AGBL4: variants seen among roughly 807,000 people sequenced by gnomAD.
AGBL4 encodes AGBL carboxypeptidase 4.
In AGBL4, 58 loss-of-function variants were observed where a neutral mutation model predicts 66.4. The ratio of observed to expected loss-of-function variants is 0.87; its 90% confidence interval spans 0.71 to 1.09. The LOEUF is 1.09. AGBL4 is among the 50% of genes least tolerant of loss of function. The pLI, the probability that AGBL4 is intolerant of heterozygous loss-of-function variation, is 0.00. For missense variants in AGBL4, 579 were observed against 631.0 expected (o/e 0.92, Z 0.88); for synonymous variants, 234 against 222.9 (o/e 1.05, Z -0.44).
In AGBL4 at chr1:49,030,351, C is replaced by T. The variant is rs531159942; in HGVS notation, c.594+15233G>A. ...GCCGACTGAAAACCAGGAAGTGGGC[C>T]CTCAACAGACACTGGATCTGCCAGC... On this transcript the variant is annotated intron_variant, in intron 5 of 13. Transcript: ENST00000371839. Among the ~76,000 whole-genome samples the T allele has an allele frequency of 4.6e-5, 7 of 152,184 alleles. No individual in the cohort carries two copies. In the East Asian group the frequency reaches 1.4e-3, roughly 29 times the overall value.
At chr1:49,914,248 G>A (rs1557573858) in intron 1 of AGBL4, among the ~76,000 whole-genome samples, 1 of 152,132 alleles carries the variant, frequency 6.6e-6, no homozygotes, top group Non-Finnish European at 1.5e-5. Flanking sequence ...GTTAAAAGCA[G>A]CCATTTTAAA....
intron 3 of AGBL4, among the ~76,000 whole-genome samples, chr1:49,450,576 C>G (rs999423174): frequency 5.3e-5 from 8 of 152,098 alleles, no homozygotes; most frequent in African/African-American, 1.7e-4. Context: ...TTTTGGGAAT[C>G]TGCAGAAAGA....
intron 2 of AGBL4, among the ~76,000 whole-genome samples, chr1:49,835,702 G>C (rs1274281665): frequency 1.3e-5 from 2 of 152,136 alleles, no homozygotes; most frequent in African/African-American, 4.8e-5. Context: ...TTTTGCAGTG[G>C]CTGGTACCAG....
At chr1:48,811,026 T>A (rs575423037) in intron 6 of AGBL4, among the ~76,000 whole-genome samples, 2 of 151,988 alleles carry the variant, frequency 1.3e-5, no homozygotes, top group East Asian at 3.9e-4. Flanking sequence ...CCTCCCTTTT[T>A]CCCCCATCCC....
At chr1:48,984,411 A>G (rs982240635) in intron 5 of AGBL4, among the ~76,000 whole-genome samples, 15 of 150,888 alleles carry the variant, frequency 9.9e-5, no homozygotes, top group Middle Eastern at 6.8e-3. Context: ...CTTTCTATCT[A>G]TCTACTGCAC....
intron 1 of AGBL4, among the ~76,000 whole-genome samples, chr1:49,980,697 C>CTTGGCTA (rs1185371503): frequency 1.3e-5 from 2 of 152,132 alleles, no homozygotes; most frequent in Admixed American, 1.3e-4. Flanking sequence ...GCTTCCACCT[C>CTTGGCTA]TTGGCTATTG....
At chr1:49,919,869 T>G (rs1250430035) in intron 1 of AGBL4, among the ~76,000 whole-genome samples, 2 of 152,208 alleles carry the variant, frequency 1.3e-5, no homozygotes, top group South Asian at 4.1e-4. Flanking sequence ...CAAAACAGCA[T>G]GGTAGTGGTA....
intron 6 of AGBL4, among the ~76,000 whole-genome samples, chr1:48,783,005 G>C (rs557404501): frequency 6.6e-6 from 1 of 152,298 alleles, no homozygotes; most frequent in African/African-American, 2.4e-5. Flanking sequence ...ATGTCATATA[G>C]TTGGAATCAT....
intron 3 of AGBL4, among the ~76,000 whole-genome samples, chr1:49,271,516 G>GCACACACACACACACA (rs57311875): frequency 1.3e-4 from 19 of 144,296 alleles, no homozygotes; most frequent in Admixed American, 9.8e-4. Context: ...TTAAAAGATA[G>GCACACACACACACACA]CACACACACA....
intron 2 of AGBL4, among the ~76,000 whole-genome samples, chr1:49,782,716 G>C (rs181448092): frequency 5.0e-4 from 76 of 152,298 alleles, no homozygotes; most frequent in African/African-American, 1.6e-3. Context: ...ATTATCATGG[G>C]TGTGGGTGCA....
At chr1:48,681,199 A>G (rs1447834759) in intron 6 of AGBL4, among the ~76,000 whole-genome samples, 2 of 152,130 alleles carry the variant, frequency 1.3e-5, no homozygotes, top group African/African-American at 4.8e-5. Flanking sequence ...TCATTTCTAT[A>G]TCTGTAAAAT....
chr1:49,109,810 T>G (rs1330210343), intron 4 of AGBL4, among the ~76,000 whole-genome samples: 1 of 152,174 alleles, frequency 6.6e-6, no homozygotes, highest in Non-Finnish European at 1.5e-5. Flanking sequence ...ACTTCTATAT[T>G]CATGCATCAT....
At chr1:49,737,033 T>G (rs1360114426) in intron 2 of AGBL4, among the ~76,000 whole-genome samples, 1 of 151,548 alleles carries the variant, frequency 6.6e-6, no homozygotes, top group African/African-American at 2.4e-5. Context: ...AAAAAAAACA[T>G]GATGGCAAAG....
chr1:48,829,349 G>T (rs1438535426), intron 6 of AGBL4, among the ~76,000 whole-genome samples: 1 of 152,224 alleles, frequency 6.6e-6, no homozygotes, highest in Admixed American at 6.5e-5. Flanking sequence ...TGGCCACAAT[G>T]CTTTAATGCC....
At chr1:49,713,249 T>C (rs576142223) in intron 2 of AGBL4, among the ~76,000 whole-genome samples, 4 of 152,088 alleles carry the variant, frequency 2.6e-5, no homozygotes, top group Non-Finnish European at 5.9e-5. Flanking sequence ...GAATATCCTA[T>C]GGATTTCATT....
intron 3 of AGBL4, among the ~76,000 whole-genome samples, chr1:49,403,404 T>A (rs1645129220): frequency 6.6e-6 from 1 of 152,208 alleles, no homozygotes; most frequent in Non-Finnish European, 1.5e-5. Context: ...GATCATTGGG[T>A]CTTTTTTCAA....
intron 11 of AGBL4, among the ~76,000 whole-genome samples, chr1:48,541,973 T>C (rs932401924): frequency 1.4e-4 from 22 of 152,120 alleles, no homozygotes; most frequent in Admixed American, 1.4e-3. Context: ...GTATTTCTCC[T>C]AATGCTATCC....
intron 3 of AGBL4, among the ~76,000 whole-genome samples, chr1:49,510,295 C>T (rs911805366): frequency 4.6e-5 from 7 of 151,800 alleles, no homozygotes; most frequent in South Asian, 4.2e-4. Flanking sequence ...TGAGATGGTA[C>T]CTCATTGTGG....
intron 4 of AGBL4, among the ~76,000 whole-genome samples, chr1:49,108,057 C>T (rs942149905): frequency 2.0e-5 from 3 of 152,208 alleles, no homozygotes; most frequent in African/African-American, 7.2e-5. Flanking sequence ...CAAGTTATCT[C>T]TCTTTCTGCT....
Sources: gnomAD v4.1 joint callset for allele counts (sites outside exome capture counted in the v4.1 genomes callset) on GRCh38, gnomAD v4.1.1 for gene constraint, MANE v1.5 for transcripts, NCBI Gene and HGNC (gene_info 2026-07-23, HGNC 2026-07-21) for gene names.